The following PLCB1 variants were observed in gnomAD, a reference collection of about 807,000 sequenced individuals.
PLCB1 encodes 1-phosphatidylinositol 4,5-bisphosphate phosphodiesterase beta-1.
PLCB1 carries 46 observed loss-of-function variants against 161.8 expected under a neutral mutation model. That is an observed-to-expected ratio of 0.28 (90% CI 0.22 to 0.36). PLCB1 has a LOEUF of 0.36. PLCB1 is among the 10% of genes least tolerant of loss of function. PLCB1 has a pLI of 1.00. For missense variants in PLCB1, 1,016 were observed against 1,472.5 expected (o/e 0.69, Z 5.07); for synonymous variants, 517 against 503.7 (o/e 1.03, Z -0.35).
At chr20:8,183,265 A>G (rs1026826768) in intron 2 of PLCB1, among the ~76,000 whole-genome samples, 5 of 152,202 alleles carry the variant, frequency 3.3e-5, no homozygotes, top group African/African-American at 1.2e-4. Context: ...CAAATATTTT[A>G]ACATCATTAA....
chr20:8,732,891 C>A (rs968181934), intron 18 of PLCB1, among the ~76,000 whole-genome samples: 14 of 144,234 alleles, frequency 9.7e-5, no homozygotes, highest in African/African-American at 3.3e-4. Flanking sequence ...TAATATTTAA[C>A]ATATATTATA....
At chr20:8,871,746 A>C (rs1427443601) in intron 31 of PLCB1, among the ~76,000 whole-genome samples, 1 of 152,210 alleles carries the variant, frequency 6.6e-6, no homozygotes, top group Non-Finnish European at 1.5e-5. Flanking sequence ...TAATGACTCA[A>C]ATTAACTGGA....
intron 3 of PLCB1, among the ~76,000 whole-genome samples, chr20:8,372,854 A>T (rs566567619): frequency 7.5e-4 from 114 of 152,288 alleles, no homozygotes; most frequent in African/African-American, 2.6e-3. Context: ...TGCAATTTCA[A>T]TATCGATATT....
intron 2 of PLCB1, among the ~76,000 whole-genome samples, chr20:8,274,817 T>C (rs1284539477): frequency 1.3e-5 from 2 of 152,202 alleles, no homozygotes; most frequent in Admixed American, 6.5e-5. Flanking sequence ...CATTGCTCCA[T>C]GGGCTTCTAG....
chr20:8,776,127 A>T (rs1216768788), intron 27 of PLCB1, among the ~76,000 whole-genome samples: 1 of 152,232 alleles, frequency 6.6e-6, no homozygotes, highest in Non-Finnish European at 1.5e-5. Context: ...AATAAAAATT[A>T]AAATAGTGGC....
At chr20:8,346,316 A>G (rs115875513) in intron 2 of PLCB1, among the ~76,000 whole-genome samples, 2,096 of 152,266 alleles carry the variant, frequency 0.014, 58 homozygotes, top group African/African-American at 0.048. Flanking sequence ...CAATAAAGAA[A>G]ATTAAGCAAA....
chr20:8,374,224 C>G (rs751202375), intron 3 of PLCB1, among the ~76,000 whole-genome samples: 1 of 152,100 alleles, frequency 6.6e-6, no homozygotes, highest in South Asian at 2.1e-4. Flanking sequence ...TGAGTTCTCA[C>G]GAGATCTGAT....
intron 12 of PLCB1, among the ~76,000 whole-genome samples, chr20:8,713,469 C>T (rs542910732): frequency 1.3e-5 from 2 of 152,282 alleles, no homozygotes; most frequent in Admixed American, 1.3e-4. Context: ...AGACGTGAGC[C>T]ACCATACCCA....
At chr20:8,197,940 T>C (rs1271161969) in intron 2 of PLCB1, among the ~76,000 whole-genome samples, 1 of 152,214 alleles carries the variant, frequency 6.6e-6, no homozygotes, top group Non-Finnish European at 1.5e-5. Flanking sequence ...TTCTTGTTTT[T>C]GTCAGGTTTG....
intron 2 of PLCB1, among the ~76,000 whole-genome samples, chr20:8,189,018 T>G (rs1427593895): frequency 6.6e-6 from 1 of 152,098 alleles, no homozygotes; most frequent in African/African-American, 2.4e-5. Flanking sequence ...AGTTGTAATA[T>G]TTATTCAAAA....
intron 3 of PLCB1, among the ~76,000 whole-genome samples, chr20:8,466,653 G>A (rs531506701): frequency 1.3e-5 from 2 of 152,166 alleles, no homozygotes; most frequent in East Asian, 3.9e-4. Context: ...GTGCAGTTGT[G>A]TTTTGGATCC....
At chr20:8,716,645 C>T (rs1979329915) in intron 13 of PLCB1, among the ~76,000 whole-genome samples, 1 of 152,158 alleles carries the variant, frequency 6.6e-6, no homozygotes, top group Admixed American at 6.5e-5. Context: ...AGAGGACAGG[C>T]CTCTGCTCAC....
At chr20:8,718,648 G>A (rs1404809714) in intron 14 of PLCB1, among the ~76,000 whole-genome samples, 1 of 152,172 alleles carries the variant, frequency 6.6e-6, no homozygotes, top group Non-Finnish European at 1.5e-5. Context: ...GATAATCCAG[G>A]ATAATTGCTC....
At chr20:8,648,565 C>T (rs943408849) in intron 6 of PLCB1, among the ~76,000 whole-genome samples, 14 of 151,852 alleles carry the variant, frequency 9.2e-5, no homozygotes, top group East Asian at 1.9e-4. Flanking sequence ...AAATTAGTAA[C>T]GAAAAAAAGT....
chr20:8,434,047 T>C (rs1017285020), intron 3 of PLCB1, among the ~76,000 whole-genome samples: 1 of 152,240 alleles, frequency 6.6e-6, no homozygotes, highest in Non-Finnish European at 1.5e-5. Flanking sequence ...CTAACATGTT[T>C]CTTTCTTTCT....
chr20:8,553,816 C>T lies in PLCB1; in HGVS notation c.247-74478C>T, dbSNP rs547759247. 5.9e-5 allele frequency among the ~76,000 whole-genome samples: 9 copies of T among 151,948 alleles called. No individual in the cohort carries two copies. In the South Asian group the frequency reaches 1.0e-3, roughly 18 times the overall value. ...AGGGGTTCAAGACCATCCTAGCCAACGTGGTGAAACCCTGTCTCTACTAAA... is the reference window on the plus strand; with the variant it reads ...AGGGGTTCAAGACCATCCTAGCCAATGTGGTGAAACCCTGTCTCTACTAAA... On this transcript the variant is annotated intron_variant, in intron 3 of 31. Transcript: ENST00000338037.
intron 3 of PLCB1, among the ~76,000 whole-genome samples, chr20:8,446,437 C>G (rs1047490251): frequency 6.6e-6 from 1 of 152,102 alleles, no homozygotes; most frequent in Admixed American, 6.6e-5. Flanking sequence ...TTATGACAAA[C>G]CCACAGCCAA....
chr20:8,480,990 C>T (rs967103492), intron 3 of PLCB1, among the ~76,000 whole-genome samples: 1 of 151,922 alleles, frequency 6.6e-6, no homozygotes, highest in African/African-American at 2.4e-5. Flanking sequence ...TGTAGTCCCA[C>T]GTACTGGGGA....
rs545483492 is a variant in PLCB1, at chr20:8,633,971, A to G, written c.384+5540A>G. Reference sequence around the variant, plus strand: ...TTTTCTGTGTAATTGTAGTTTGTCCATTCTCTTTGCTAAGTAGTAGCCAGT... The same window carrying G: ...TTTTCTGTGTAATTGTAGTTTGTCCGTTCTCTTTGCTAAGTAGTAGCCAGT... On this transcript the variant is annotated intron_variant, in intron 4 of 31. Coordinates refer to ENST00000338037, the MANE Select transcript of PLCB1 (RefSeq NM_015192.4). Among the ~76,000 whole-genome samples the G allele has an allele frequency of 8.5e-5, 13 of 152,312 alleles. 1 individual carries two copies. The South Asian group carries it at 2.7e-3, about 32-fold the overall frequency.
Sources: gnomAD v4.1 joint callset for allele counts (sites outside exome capture counted in the v4.1 genomes callset) on GRCh38, gnomAD v4.1.1 for gene constraint, MANE v1.5 for transcripts, NCBI Gene and HGNC (gene_info 2026-07-23, HGNC 2026-07-21) for gene names.